The following SEMA3A variants were observed in gnomAD, a reference collection of about 807,000 sequenced individuals.
SEMA3A encodes semaphorin 3A.
Under a neutral mutation model 97.9 loss-of-function variants are expected in SEMA3A, and 29 were observed. The ratio of observed to expected loss-of-function variants is 0.30; its 90% CI spans 0.22 to 0.40. SEMA3A has a LOEUF of 0.40. Ranked by LOEUF, SEMA3A falls within the 10% of genes least tolerant of loss-of-function variation. SEMA3A has a pLI of 1.00. For synonymous variants in SEMA3A, 321 were observed against 323.7 expected (o/e 0.99, Z 0.09); for missense variants, 763 against 951.3 (o/e 0.80, Z 2.60).
At chr7:84,477,779 A>C (rs1325834532) in intron 1 of SEMA3A, among the ~76,000 whole-genome samples, 1 of 152,204 alleles carries the variant, frequency 6.6e-6, no homozygotes, top group African/African-American at 2.4e-5. Flanking sequence ...GTCATGAATG[A>C]CTGCATGGTA....
Position 84,216,109 on chromosome 7 carries a change from G to A in SEMA3A, c.-82-21441C>T, listed in dbSNP as rs117809210. 0.013 allele frequency among the ~76,000 whole-genome samples: 1,973 copies of A among 152,190 alleles called. 68 individuals are homozygous for A. In the East Asian group the frequency reaches 0.15, roughly 11 times the overall value. ...TTTATTGACAGAGCCTCGCTCTGTAGCCAGGTTGGAGTGCAGTGGCACGAT... is the reference window on the plus strand; with the variant it reads ...TTTATTGACAGAGCCTCGCTCTGTAACCAGGTTGGAGTGCAGTGGCACGAT... On this transcript the variant is annotated intron_variant, in intron 3 of 3. Coordinates refer to the SEMA3A transcript ENST00000424555.
intron 2 of SEMA3A, among the ~76,000 whole-genome samples, chr7:84,364,660 CATG>C (rs1802802621): frequency 6.6e-6 from 1 of 151,516 alleles, no homozygotes; most frequent in Non-Finnish European, 1.5e-5. Context: ...CTTGCATTAC[CATG>C]CTGTCACTTT....
chr7:84,448,674 GA>G (rs1217721026), intron 1 of SEMA3A, among the ~76,000 whole-genome samples: 1 of 151,248 alleles, frequency 6.6e-6, no homozygotes, highest in African/African-American at 2.4e-5. Flanking sequence ...AAAAAGTAAA[GA>G]AATGGAAAAA....
At chr7:84,006,453 A>C (rs1301481413) in intron 10 of SEMA3A, among the ~76,000 whole-genome samples, 2 of 151,806 alleles carry the variant, frequency 1.3e-5, no homozygotes, top group African/African-American at 4.8e-5. Context: ...AATGCCCATC[A>C]TGACCAAGCA....
Position 83,981,364 on chromosome 7 carries a change from A to G in SEMA3A, c.1609T>C (p.Trp537Arg). Residue 537 changes from tryptophan (W) to arginine (R), a missense_variant, in exon 14 of 17, where the codon TGG (tryptophan) becomes CGG (arginine). Around this residue, in one of 2 missense-constraint regions of SEMA3A, gnomAD observed 678 missense variants for 881.3 expected, o/e 0.77. Transcript: ENST00000265362. ...CCLARDPYCA[W>R]DGSACSRYFP... The stretch of plus-strand genomic sequence containing the variant: ...TAGCGAGAACATGCAGAACCATCCC[A>G]AGCACAGTAAGGGTCTCGGGCGAGG... 1.9e-6 allele frequency: 3 copies of G among 1,614,030 alleles called. No homozygotes were observed. The highest frequency in any genetic ancestry group is 2.5e-6 in the Non-Finnish European group (3 of 1,179,964).
chr7:84,487,561 A>T (rs184538104), intron 1 of SEMA3A, among the ~76,000 whole-genome samples: 1 of 152,298 alleles, frequency 6.6e-6, no homozygotes, highest in Admixed American at 6.5e-5. Context: ...TTTCCACTTA[A>T]GATGAACTTA....
chr7:84,448,563 TCAAAAA>T (rs990925451), intron 1 of SEMA3A, among the ~76,000 whole-genome samples: 3 of 151,148 alleles, frequency 2.0e-5, no homozygotes, highest in Admixed American at 6.6e-5. Context: ...TACAATAGCA[TCAAAAA>T]CAAAAACAAA....
chr7:84,278,348 A>C (rs964493086), intron 3 of SEMA3A, among the ~76,000 whole-genome samples: 47 of 152,052 alleles, frequency 3.1e-4, no homozygotes, highest in African/African-American at 1.0e-3. Context: ...TAGAAGTTCC[A>C]AACTTTCCCT....
chr7:84,075,471 T>C (rs1413732335), intron 4 of SEMA3A, among the ~76,000 whole-genome samples: 1 of 149,958 alleles, frequency 6.7e-6, no homozygotes, highest in Admixed American at 6.6e-5. Context: ...TTTTTTTTTT[T>C]TTTTTGAGAC....
intron 2 of SEMA3A, among the ~76,000 whole-genome samples, chr7:84,328,853 A>G (rs924938379): frequency 1.3e-5 from 2 of 152,080 alleles, no homozygotes; most frequent in African/African-American, 4.8e-5. Context: ...AAATGCAATA[A>G]TTTAAATGAA....
intron 2 of SEMA3A, among the ~76,000 whole-genome samples, chr7:84,314,007 G>A (rs982773150): frequency 6.6e-6 from 1 of 151,980 alleles, no homozygotes; most frequent in African/African-American, 2.4e-5. Context: ...TGTGCTCATT[G>A]AATGAGTTTA....
intron 1 of SEMA3A, among the ~76,000 whole-genome samples, chr7:84,408,210 A>C (rs905847007): frequency 3.9e-5 from 6 of 152,072 alleles, no homozygotes; most frequent in Non-Finnish European, 5.9e-5. Context: ...AAAACAAACA[A>C]CCCCATCAAC....
intron 5 of SEMA3A, among the ~76,000 whole-genome samples, chr7:84,053,608 C>A (rs935598350): frequency 1.4e-5 from 2 of 147,378 alleles, no homozygotes; most frequent in African/African-American, 2.5e-5. Flanking sequence ...ATGTGTGTCT[C>A]TGCACGTGAG....
At chr7:84,282,928 C>T (rs534601374) in intron 3 of SEMA3A, among the ~76,000 whole-genome samples, 20 of 152,028 alleles carry the variant, frequency 1.3e-4, no homozygotes, top group East Asian at 9.7e-4. Flanking sequence ...GCAGGAGAAT[C>T]GCTTGAACCT....
intron 14 of SEMA3A, among the ~76,000 whole-genome samples, chr7:83,978,302 G>T (rs972482364): frequency 6.6e-6 from 1 of 152,092 alleles, no homozygotes; most frequent in Non-Finnish European, 1.5e-5. Flanking sequence ...AAAATCAAAC[G>T]ATTTCTTCTA....
At chr7:84,274,439 T>C (rs1449308056) in intron 3 of SEMA3A, among the ~76,000 whole-genome samples, 2 of 152,112 alleles carry the variant, frequency 1.3e-5, no homozygotes, top group Non-Finnish European at 2.9e-5. Flanking sequence ...GCTTAGACTG[T>C]CACTTTGCAT....
chr7:84,424,987 T>C (rs1804753050), intron 1 of SEMA3A, among the ~76,000 whole-genome samples: 1 of 103,572 alleles, frequency 9.7e-6, no homozygotes, highest in Non-Finnish European at 1.7e-5. Flanking sequence ...TAATTTATAA[T>C]TATATTTTTA....
At chr7:84,395,932 T>C (rs1041975354) in intron 1 of SEMA3A, among the ~76,000 whole-genome samples, 12 of 152,088 alleles carry the variant, frequency 7.9e-5, no homozygotes, top group Non-Finnish European at 1.5e-4. Flanking sequence ...TAGAAAGAAA[T>C]CTAGTGGAAG....
chr7:83,974,078 T>C (rs574214092), intron 15 of SEMA3A, among the ~76,000 whole-genome samples: 1 of 152,248 alleles, frequency 6.6e-6, no homozygotes, highest in African/African-American at 2.4e-5. Flanking sequence ...GGGAACAGAT[T>C]GGAAACAACC....
Sources: allele counts gnomAD v4.1 joint callset (sites outside exome capture counted in the v4.1 genomes callset), GRCh38; gene constraint gnomAD v4.1.1; regional missense constraint gnomAD v4.1.1; transcripts MANE v1.5; gene names NCBI Gene and HGNC (gene_info 2026-07-23, HGNC 2026-07-21).